The following RBFOX1 variants were observed in gnomAD, a reference collection of about 807,000 sequenced individuals.
The protein encoded by RBFOX1 is RNA binding protein fox-1 homolog 1.
Under a neutral mutation model 57.7 loss-of-function variants are expected in RBFOX1, and 8 were observed. The ratio of observed to expected loss-of-function variants is 0.14; its 90% CI spans 0.08 to 0.25. The LOEUF (loss-of-function observed/expected upper bound fraction) is 0.25, where lower values mean the gene tolerates loss of function less well. Among genes scored for constraint, RBFOX1 ranks in the 10% least tolerant of loss-of-function variants. The pLI is 1.00. For synonymous variants in RBFOX1, 326 were observed against 222.4 expected (o/e 1.47, Z -4.15); for missense variants, 611 against 548.5 (o/e 1.11, Z -1.14).
chr16:6,394,644 T>C (rs1198252679), intron 2 of RBFOX1, among the ~76,000 whole-genome samples: 1 of 151,268 alleles, frequency 6.6e-6, no homozygotes. Context: ...ATATATATTA[T>C]GTGTATTAGA....
chr16:6,611,357 G>A (rs554851325), intron 2 of RBFOX1, among the ~76,000 whole-genome samples: 1 of 152,132 alleles, frequency 6.6e-6, no homozygotes. Context: ...ATGTTGGCCA[G>A]GCTGATCTCA....
At chr16:7,101,946 C>G (rs1361255005) in intron 4 of RBFOX1, among the ~76,000 whole-genome samples, 1 of 152,140 alleles carries the variant, frequency 6.6e-6, no homozygotes, top group East Asian at 1.9e-4. Flanking sequence ...GCTCCTTTCA[C>G]CAAGCCTTGT....
At chr16:6,519,957 G>T (rs901376742) in intron 2 of RBFOX1, among the ~76,000 whole-genome samples, 2 of 152,216 alleles carry the variant, frequency 1.3e-5, no homozygotes, top group Middle Eastern at 3.4e-3. Flanking sequence ...AGGTGCTTTG[G>T]GTCAGTAGGC....
At chr16:5,625,299 A>T (rs1024142788) in intron 3 of RBFOX1, among the ~76,000 whole-genome samples, 2 of 152,010 alleles carry the variant, frequency 1.3e-5, no homozygotes, top group African/African-American at 4.8e-5. Context: ...GAATGATGCA[A>T]TGGAGTCTCT....
chr16:6,256,814 G>T (rs1209631407), intron 1 of RBFOX1, among the ~76,000 whole-genome samples: 1 of 152,134 alleles, frequency 6.6e-6, no homozygotes, highest in Non-Finnish European at 1.5e-5. Context: ...ACCTTTGGTT[G>T]AGAAACTCTC....
chr16:7,031,396 G>C (rs1419514152), intron 3 of RBFOX1, among the ~76,000 whole-genome samples: 1 of 152,092 alleles, frequency 6.6e-6, no homozygotes. Flanking sequence ...AGGATTTCAA[G>C]ACCAGCCTGG....
chr16:6,106,964 C>A (rs2096388645), intron 1 of RBFOX1, among the ~76,000 whole-genome samples: 1 of 152,166 alleles, frequency 6.6e-6, no homozygotes, highest in Non-Finnish European at 1.5e-5. Context: ...AGCCACCATG[C>A]CTGGCCACCC....
At chr16:5,976,598 G>A (rs1298380051) in intron 4 of RBFOX1, among the ~76,000 whole-genome samples, 2 of 152,186 alleles carry the variant, frequency 1.3e-5, no homozygotes, top group African/African-American at 4.8e-5. Context: ...GCCAGGCACA[G>A]TGGCTCATAC....
chr16:7,203,262 A>G (rs1044250903), intron 4 of RBFOX1, among the ~76,000 whole-genome samples: 7 of 152,220 alleles, frequency 4.6e-5, no homozygotes, highest in African/African-American at 1.7e-4. Flanking sequence ...CCCTGAGGAC[A>G]TTATTCTAAG....
chr16:6,466,680 G>T (rs1223813029), intron 2 of RBFOX1, among the ~76,000 whole-genome samples: 1 of 152,116 alleles, frequency 6.6e-6, no homozygotes, highest in South Asian at 2.1e-4. Context: ...GAGTCTCCAG[G>T]CCCCTTTTCA....
At chr16:6,955,244 A>G (rs1568063909) in intron 3 of RBFOX1, among the ~76,000 whole-genome samples, 2 of 149,454 alleles carry the variant, frequency 1.3e-5, no homozygotes, top group East Asian at 3.9e-4. Flanking sequence ...TTGTCTGGGA[A>G]GAAAAAAAGA....
intron 1 of RBFOX1, among the ~76,000 whole-genome samples, chr16:5,307,503 C>T (rs566659812): frequency 1.3e-5 from 2 of 152,204 alleles, no homozygotes; most frequent in African/African-American, 4.8e-5. Context: ...CCTCCTTATG[C>T]CACTATTTTC....
In RBFOX1 at chr16:5,812,772, C is replaced by A. The variant is rs539597993; in HGVS notation, c.319-54531C>A. Among the ~76,000 whole-genome samples, 16 of 152,228 alleles carry A rather than the reference C, an allele frequency of 1.1e-4. No homozygotes were observed. In the South Asian group the frequency reaches 1.7e-3, roughly 16 times the overall value. On this transcript the variant is annotated intron_variant, in intron 3 of 19. Transcript: ENST00000641259. ...CCACCACCTTGCTCGGCCCAGTCTT[C>A]TAAATGTTAGACATTCTTACAGGTA...
chr16:7,169,797 C>T (rs149474044), intron 4 of RBFOX1, among the ~76,000 whole-genome samples: 3 of 144,060 alleles, frequency 2.1e-5, no homozygotes, highest in Non-Finnish European at 3.0e-5. Flanking sequence ...TTGCAGGGTG[C>T]AGTGGCTCAT....
At chr16:6,761,825 T>C (rs971123674) in intron 3 of RBFOX1, among the ~76,000 whole-genome samples, 1 of 151,988 alleles carries the variant, frequency 6.6e-6, no homozygotes, top group African/African-American at 2.4e-5. Flanking sequence ...TTGTTGCTAC[T>C]ACGCCATCCA....
At chr16:6,220,573 C>T (rs921154692) in intron 1 of RBFOX1, among the ~76,000 whole-genome samples, 1 of 152,140 alleles carries the variant, frequency 6.6e-6, no homozygotes, top group Non-Finnish European at 1.5e-5. Context: ...TTAACCAAAA[C>T]ACAGTGAAAT....
At chr16:6,684,862 C>T (rs2059191583) in intron 3 of RBFOX1, among the ~76,000 whole-genome samples, 1 of 152,128 alleles carries the variant, frequency 6.6e-6, no homozygotes, top group Non-Finnish European at 1.5e-5. Flanking sequence ...GTGAGTAATC[C>T]TTCATGCAAA....
intron 3 of RBFOX1, among the ~76,000 whole-genome samples, chr16:5,831,855 A>G (rs1269976332): frequency 1.3e-5 from 2 of 152,204 alleles, no homozygotes; most frequent in Admixed American, 6.5e-5. Context: ...AAATGAATGC[A>G]TAAGCTCTTT....
intron 3 of RBFOX1, among the ~76,000 whole-genome samples, chr16:7,046,752 C>A (rs537655752): frequency 1.4e-4 from 21 of 151,532 alleles, no homozygotes; most frequent in Non-Finnish European, 3.1e-4. Context: ...ATTACAAGCA[C>A]GCGCCATCAT....
Sources: gnomAD v4.1 joint callset for allele counts (sites outside exome capture counted in the v4.1 genomes callset) on GRCh38, gnomAD v4.1.1 for gene constraint, MANE v1.5 for transcripts, NCBI Gene and HGNC (gene_info 2026-07-23, HGNC 2026-07-21) for gene names.